The following PCDH9 variants were observed in gnomAD, a reference collection of about 807,000 sequenced individuals.
The protein encoded by PCDH9 is protocadherin-9.
Under a neutral mutation model 70.6 loss-of-function variants are expected in PCDH9, and 24 were observed. The ratio of observed to expected loss-of-function variants is 0.34; its 90% CI spans 0.25 to 0.48. The LOEUF is 0.48. PCDH9 is among the 20% of genes least tolerant of loss of function. The probability of loss-of-function intolerance (pLI) is 0.99; values close to 1 mark genes in which losing one functional copy is unlikely to be tolerated. For missense variants in PCDH9, 1,281 were observed against 1,503.6 expected (o/e 0.85, Z 2.45); for synonymous variants, 562 against 558.5 (o/e 1.01, Z -0.09).
chr13:66,424,780 T>A (rs931390047), intron 4 of PCDH9, among the ~76,000 whole-genome samples: 2 of 151,954 alleles, frequency 1.3e-5, no homozygotes, highest in African/African-American at 4.8e-5. Flanking sequence ...TAATTTACGT[T>A]TGTGTAAACA....
At chr13:66,963,326 G>A (rs1047215180) in intron 2 of PCDH9, among the ~76,000 whole-genome samples, 6 of 152,150 alleles carry the variant, frequency 3.9e-5, no homozygotes, top group African/African-American at 1.4e-4. Flanking sequence ...AAAGTGCAAA[G>A]ATCAAACATT....
At chr13:67,101,086 C>G (rs185123316) in intron 2 of PCDH9, among the ~76,000 whole-genome samples, 11 of 152,294 alleles carry the variant, frequency 7.2e-5, no homozygotes, top group African/African-American at 2.2e-4. Context: ...CTTTTGAGCT[C>G]CTCAGAGCCA....
At chr13:66,725,891 C>T (rs2139163262) in intron 3 of PCDH9, among the ~76,000 whole-genome samples, 1 of 152,294 alleles carries the variant, frequency 6.6e-6, no homozygotes, top group Non-Finnish European at 1.5e-5. Context: ...ATTATTATCA[C>T]TTTTCTACAG....
intron 3 of PCDH9, among the ~76,000 whole-genome samples, chr13:66,723,541 T>A (rs1361443659): frequency 2.9e-4 from 44 of 152,312 alleles, no homozygotes; most frequent in Non-Finnish European, 6.0e-4. Flanking sequence ...TAAAGACAAG[T>A]AGCTAAGCAA....
chr13:66,729,405 T>C lies in PCDH9; in HGVS notation c.3139-97994A>G, dbSNP rs139714592. ...TCATGTGCATCTATACTACTATGCA[T>C]GTAGTTTTAAAAATTCATATATTTT... On this transcript the variant is annotated intron_variant, in intron 3 of 4. Transcript: ENST00000377865. Among the ~76,000 whole-genome samples the C allele has an allele frequency of 1.4e-4, 21 of 152,288 alleles. No homozygotes were observed. The East Asian group carries it at 3.9e-3, about 28-fold the overall frequency.
intron 2 of PCDH9, among the ~76,000 whole-genome samples, chr13:66,995,338 C>T (rs990409635): frequency 2.6e-5 from 4 of 152,042 alleles, no homozygotes; most frequent in African/African-American, 9.7e-5. Context: ...TCACAAGCAC[C>T]ACGGGCGAAG....
At chr13:66,779,122 T>G (rs1272651643) in intron 3 of PCDH9, among the ~76,000 whole-genome samples, 7 of 152,136 alleles carry the variant, frequency 4.6e-5, no homozygotes, top group African/African-American at 1.7e-4. Flanking sequence ...TCCTAGATTT[T>G]GGTAGCTATT....
At chr13:66,404,726 G>A (rs576246989) in intron 4 of PCDH9, among the ~76,000 whole-genome samples, 15 of 152,112 alleles carry the variant, frequency 9.9e-5, no homozygotes, top group African/African-American at 3.1e-4. Context: ...TTTTTGGAGG[G>A]AGAGTAGAAC....
chr13:66,979,608 T>C (rs1460972186), intron 2 of PCDH9, among the ~76,000 whole-genome samples: 1 of 152,170 alleles, frequency 6.6e-6, no homozygotes, highest in African/African-American at 2.4e-5. Flanking sequence ...CATTTTAAGA[T>C]AAAACAGCCA....
At chr13:67,051,852 T>C (rs1256224399) in intron 2 of PCDH9, among the ~76,000 whole-genome samples, 3 of 152,134 alleles carry the variant, frequency 2.0e-5, no homozygotes, top group Non-Finnish European at 4.4e-5. Context: ...AATGAATAGA[T>C]TATACAACTA....
intron 2 of PCDH9, among the ~76,000 whole-genome samples, chr13:66,946,798 G>A (rs539461113): frequency 1.3e-5 from 2 of 151,670 alleles, no homozygotes; most frequent in South Asian, 2.1e-4. Flanking sequence ...GTCCCAAAAG[G>A]TATAATATAT....
intron 4 of PCDH9, among the ~76,000 whole-genome samples, chr13:66,439,795 C>G (rs1957940808): frequency 6.6e-6 from 1 of 152,286 alleles, no homozygotes; most frequent in Non-Finnish European, 1.5e-5. Flanking sequence ...TCACCACCAA[C>G]TCTTGAGTTG....
At position 66,761,407 on chromosome 13, in the gene PCDH9, A is replaced by G. The variant is rs577408078; in HGVS notation, c.3139-129996T>C. Reference sequence around the variant, plus strand: ...TTTATATTTCTCTGGGTTTGGATACATCTATTCTTTTTTAAAAAATAAGAT... The same window carrying G: ...TTTATATTTCTCTGGGTTTGGATACGTCTATTCTTTTTTAAAAAATAAGAT... On this transcript the variant is annotated intron_variant, in intron 3 of 4. Coordinates refer to ENST00000377865, the MANE Select transcript of PCDH9 (RefSeq NM_203487.3). 1.0e-3 allele frequency among the ~76,000 whole-genome samples: 155 copies of G among 152,092 alleles called. 1 individual carries two copies. Among genetic ancestry groups the G allele is most frequent in the Admixed American group, 4.1e-3 (63 of 15,252 alleles).
At chr13:66,907,203 C>CAAAAAAAAAAAAAAAAAAAAAAA (rs1566283211) in intron 2 of PCDH9, among the ~76,000 whole-genome samples, 2 of 151,474 alleles carry the variant, frequency 1.3e-5, no homozygotes. Context: ...GATTCTGCCT[C>CAAAAAAAAAAAAAAAAAAAAAAA]AAAAAGAAAA....
intron 2 of PCDH9, among the ~76,000 whole-genome samples, chr13:67,011,697 T>A (rs1228322114): frequency 6.6e-6 from 1 of 151,894 alleles, no homozygotes; most frequent in East Asian, 1.9e-4. Context: ...TACTAACAGA[T>A]TAAATAACCT....
chr13:66,550,165 T>C (rs1961416913), intron 4 of PCDH9, among the ~76,000 whole-genome samples: 1 of 152,070 alleles, frequency 6.6e-6, no homozygotes, highest in Non-Finnish European at 1.5e-5. Context: ...TCTATATTCT[T>C]ATTTGCTTAA....
chr13:66,609,391 T>C (rs973916776), intron 4 of PCDH9, among the ~76,000 whole-genome samples: 3 of 152,172 alleles, frequency 2.0e-5, no homozygotes, highest in Non-Finnish European at 4.4e-5. Context: ...TTTTATTACA[T>C]GGTTATCTCC....
chr13:67,008,311 T>C (rs75270869), intron 2 of PCDH9, among the ~76,000 whole-genome samples: 6,954 of 152,230 alleles, frequency 0.046, 285 homozygotes, highest in African/African-American at 0.11. Context: ...AAAAGAACTG[T>C]ATCACATTTC....
At chr13:67,042,232 T>C (rs927065504) in intron 2 of PCDH9, among the ~76,000 whole-genome samples, 3 of 152,190 alleles carry the variant, frequency 2.0e-5, no homozygotes, top group African/African-American at 7.2e-5. Flanking sequence ...TCCACTTTCA[T>C]ACTGCTATAA....
Sources: gnomAD v4.1 joint callset for allele counts (sites outside exome capture counted in the v4.1 genomes callset) on GRCh38, gnomAD v4.1.1 for gene constraint, MANE v1.5 for transcripts, NCBI Gene and HGNC (gene_info 2026-07-23, HGNC 2026-07-21) for gene names.